The following KPNA3 variants were observed in gnomAD, a reference collection of about 807,000 sequenced individuals.
The protein encoded by KPNA3 is importin subunit alpha-4.
Under a neutral mutation model 73.8 loss-of-function variants are expected in KPNA3, and 13 were observed. The observed-to-expected ratio is 0.18, with a 90% CI of 0.11 to 0.28. The LOEUF is 0.28. Among genes scored for constraint, KPNA3 ranks in the 10% least tolerant of loss-of-function variants. The pLI, the probability that KPNA3 is intolerant of heterozygous loss-of-function variation, is 1.00. For synonymous variants in KPNA3, 186 were observed against 206.9 expected (o/e 0.90, Z 0.87); for missense variants, 360 against 618.1 (o/e 0.58, Z 4.43).
intron 10 of KPNA3, among the ~76,000 whole-genome samples, chr13:49,715,325 A>C (rs1228559926): frequency 6.6e-6 from 1 of 152,174 alleles, no homozygotes; most frequent in African/African-American, 2.4e-5. Flanking sequence ...AAGACCAAAA[A>C]TCCTACAGAA....
At chr13:49,708,527 T>C (rs943631011) in intron 12 of KPNA3, among the ~76,000 whole-genome samples, 3 of 152,320 alleles carry the variant, frequency 2.0e-5, no homozygotes, top group Non-Finnish European at 2.9e-5. Flanking sequence ...CTTGCAGTTA[T>C]ATATCCAAAG....
chr13:49,749,171 T>C (rs1446324543), intron 1 of KPNA3, among the ~76,000 whole-genome samples: 2 of 152,264 alleles, frequency 1.3e-5, no homozygotes, highest in African/African-American at 4.8e-5. Flanking sequence ...CTAAGATATT[T>C]CTGTATAGAC....
chr13:49,792,404 G>T (rs760304036), intron 1 of KPNA3, 34 bp downstream of exon 1: 13 of 1,492,754 alleles, frequency 8.7e-6, no homozygotes, highest in Non-Finnish European at 1.2e-5. Flanking sequence ...GGCCGGCGCG[G>T]CCAGGCGGGC....
At chr13:49,790,546 A>C (rs919922749) in intron 1 of KPNA3, among the ~76,000 whole-genome samples, 1 of 152,250 alleles carries the variant, frequency 6.6e-6, no homozygotes, top group Non-Finnish European at 1.5e-5. Context: ...GGTATCATGA[A>C]GCTCGTAACA....
chr13:49,715,272 A>G (rs1288225683), intron 10 of KPNA3, among the ~76,000 whole-genome samples: 1 of 152,188 alleles, frequency 6.6e-6, no homozygotes, highest in East Asian at 1.9e-4. Context: ...GTATGGCAGA[A>G]CTAATATCCT....
chr13:49,766,016 T>G (rs1253438360), intron 1 of KPNA3, among the ~76,000 whole-genome samples: 2 of 152,224 alleles, frequency 1.3e-5, no homozygotes, highest in African/African-American at 4.8e-5. Flanking sequence ...TTCATCATTT[T>G]CCTCACTGGT....
chr13:49,791,918 C>A (rs910250792), intron 1 of KPNA3, among the ~76,000 whole-genome samples: 1 of 152,248 alleles, frequency 6.6e-6, no homozygotes, highest in Non-Finnish European at 1.5e-5. Flanking sequence ...GTCCCCACCC[C>A]CCTCTGCGGG....
chr13:49,726,253 A>G (rs1954408301), intron 6 of KPNA3, among the ~76,000 whole-genome samples: 1 of 152,172 alleles, frequency 6.6e-6, no homozygotes, highest in Non-Finnish European at 1.5e-5. Context: ...TGCTTTACAT[A>G]CTAGGGATAT....
Position 49,705,795 on chromosome 13 carries a change from A to C in KPNA3, c.1210-12T>G. On this transcript the variant is annotated splice_polypyrimidine_tract_variant and intron_variant, in intron 14 of 16. Coordinates refer to ENST00000261667, the MANE Select transcript of KPNA3 (RefSeq NM_002267.4). ...ACAAGGTACTCAACCTAGACAACAA[A>C]AGAGAAGAAATATTTTTATTTATAT... The C allele has an allele frequency of 6.4e-7, 1 of 1,563,598 alleles. No homozygotes were observed. The highest frequency in any genetic ancestry group is 1.2e-5 in the South Asian group (1 of 82,100).
At chr13:49,735,916 T>C (rs1259865862) in intron 2 of KPNA3, among the ~76,000 whole-genome samples, 1 of 152,168 alleles carries the variant, frequency 6.6e-6, no homozygotes, top group African/African-American at 2.4e-5. Flanking sequence ...TATAAAGTAC[T>C]TCCTTTTCAT....
chr13:49,715,158 G>A (rs1186469130), intron 10 of KPNA3, among the ~76,000 whole-genome samples: 2 of 151,720 alleles, frequency 1.3e-5, no homozygotes, highest in Admixed American at 6.6e-5. Context: ...CAGACAAAAT[G>A]TAGATACAAT....
At chr13:49,716,628 G>T (rs1176649630) in intron 10 of KPNA3, among the ~76,000 whole-genome samples, 1 of 151,860 alleles carries the variant, frequency 6.6e-6, no homozygotes, top group South Asian at 2.1e-4. Context: ...TAGTAGAGAC[G>T]GGGTTTTGCT....
chr13:49,760,769 C>T (rs1283218970), intron 1 of KPNA3, among the ~76,000 whole-genome samples: 3 of 152,088 alleles, frequency 2.0e-5, no homozygotes, highest in Non-Finnish European at 4.4e-5. Flanking sequence ...GAGGGTATTT[C>T]CTGAAGAGAC....
chr13:49,769,477 A>G (rs940111579), intron 1 of KPNA3, among the ~76,000 whole-genome samples: 7 of 152,136 alleles, frequency 4.6e-5, no homozygotes, highest in African/African-American at 1.2e-4. Flanking sequence ...TCACTAATCT[A>G]CTTTCTGTAT....
At chr13:49,736,689 T>C (rs960261958) in intron 2 of KPNA3, among the ~76,000 whole-genome samples, 3 of 152,210 alleles carry the variant, frequency 2.0e-5, no homozygotes, top group African/African-American at 7.2e-5. Context: ...TTTACATGTA[T>C]TTGCATGTGT....
At chr13:49,705,924 G>A in intron 14 of KPNA3, 141 bp from the exon 15 acceptor site, 2 of 966,802 alleles carry the variant, frequency 2.1e-6, no homozygotes, top group South Asian at 1.8e-5. Context: ...GGTCATGCCT[G>A]TGAATAGCAA....
intron 2 of KPNA3, among the ~76,000 whole-genome samples, chr13:49,742,549 C>T (rs1357037157): frequency 6.6e-6 from 1 of 150,754 alleles, no homozygotes; most frequent in Non-Finnish European, 1.5e-5. Flanking sequence ...TAGTGTGATG[C>T]TTCTGGGTTC....
intron 10 of KPNA3, among the ~76,000 whole-genome samples, chr13:49,712,695 T>A (rs937766677): frequency 6.6e-6 from 1 of 151,536 alleles, no homozygotes; most frequent in Non-Finnish European, 1.5e-5. Context: ...GAAGAGAAAA[T>A]AGAATAAGCT....
intron 14 of KPNA3, 116 bp from the exon 15 acceptor site, chr13:49,705,899 G>A (rs139612239): frequency 5.1e-4 from 534 of 1,042,008 alleles, no homozygotes; most frequent in Non-Finnish European, 2.3e-4. Context: ...GGAGTTGGAG[G>A]CTGTAGTGCG....
Sources: allele counts gnomAD v4.1 joint callset (sites outside exome capture counted in the v4.1 genomes callset), GRCh38; gene constraint gnomAD v4.1.1; transcripts MANE v1.5; gene names NCBI Gene and HGNC (gene_info 2026-07-23, HGNC 2026-07-21).